The following COL5A2 variants were observed in gnomAD, a reference collection of about 807,000 sequenced individuals.
The protein encoded by COL5A2 is collagen alpha-2(V) chain.
Under a neutral mutation model 208.2 loss-of-function variants are expected in COL5A2, and 23 were observed. The ratio of observed to expected loss-of-function variants is 0.11; its 90% CI spans 0.08 to 0.16. The LOEUF (loss-of-function observed/expected upper bound fraction) is 0.16. Ranked by LOEUF, COL5A2 falls within the 10% of genes least tolerant of loss-of-function variation. The pLI is 1.00. For synonymous variants in COL5A2, 625 were observed against 628.5 expected, an observed-to-expected ratio of 0.99 and a Z score of 0.08; for missense variants, 1,590 against 1,956.4, an observed-to-expected ratio of 0.81 and a Z score of 3.53.
the COL5A2 span, among the ~76,000 whole-genome samples, chr2:189,287,194 T>C: frequency 3.3e-5 from 5 of 151,970 alleles, no homozygotes; most frequent in Admixed American, 6.6e-5. Context: ...TAGTACCAAA[T>C]TGAGAGTTAT....
At chr2:189,189,244 T>C (rs1688893933) in intron 1 of COL5A2, among the ~76,000 whole-genome samples, 4 of 152,136 alleles carry the variant, frequency 2.6e-5, no homozygotes, top group Admixed American at 2.6e-4. Flanking sequence ...CCTCTCTTCT[T>C]CTCCTGATAG....
intron 9 of COL5A2, among the ~76,000 whole-genome samples, chr2:189,086,140 CAT>C (rs1686655452): frequency 6.6e-6 from 1 of 152,152 alleles, no homozygotes; most frequent in Non-Finnish European, 1.5e-5. Context: ...ACTCCACACA[CAT>C]GACAATGACA....
At chr2:189,097,371 C>T (rs1240565172) in intron 5 of COL5A2, 41 bp from the exon 6 acceptor site, 3 of 1,599,744 alleles carry the variant, frequency 1.9e-6, no homozygotes, top group Non-Finnish European at 2.6e-6. Flanking sequence ...AAAATGTATA[C>T]TTTCTTATTG....
intron 5 of COL5A2, among the ~76,000 whole-genome samples, chr2:189,098,138 A>G (rs1001312995): frequency 3.3e-5 from 5 of 152,180 alleles, no homozygotes; most frequent in African/African-American, 1.2e-4. Flanking sequence ...TCAACCCAAC[A>G]TATAGCATCG....
intron 1 of COL5A2, among the ~76,000 whole-genome samples, chr2:189,205,383 A>T (rs1187577677): frequency 6.6e-6 from 1 of 152,230 alleles, no homozygotes; most frequent in African/African-American, 2.4e-5. Flanking sequence ...TGAGTAGCAG[A>T]AAAGGAATAT....
At chr2:189,318,052 G>A in the COL5A2 span, among the ~76,000 whole-genome samples, 1 of 152,030 alleles carries the variant, frequency 6.6e-6, no homozygotes. Context: ...CAGAGCTCTG[G>A]AATTCTCTAG....
Position 189,042,601 on chromosome 2 carries a change from C to T in COL5A2, c.3525+119G>A. ...CTTGTCTCATATGTGTGTTGCCAAC[C>T]TCAGAGAAGATGAGCCAACTCCAGC... On this transcript the variant is annotated intron_variant, in intron 49 of 53. Transcript: ENST00000374866. The T allele has an allele frequency of 3.3e-6, 3 of 918,716 alleles. No homozygotes were observed. In the Admixed American group the frequency reaches 5.9e-5, roughly 18 times the overall value. 56.9% of individuals were successfully genotyped at this position (918,716 alleles called of 1,614,324 possible). A position where few individuals can be genotyped will look rare whatever the true frequency, so the allele number is the denominator to read the frequency against.
At chr2:189,301,156 C>T in the COL5A2 span, among the ~76,000 whole-genome samples, 17 of 152,078 alleles carry the variant, frequency 1.1e-4, no homozygotes, top group Non-Finnish European at 1.2e-4. Context: ...CACTTCACTC[C>T]AGCCTGGGTG....
At chr2:189,119,541 T>C (rs1201397485) in intron 1 of COL5A2, among the ~76,000 whole-genome samples, 1 of 152,132 alleles carries the variant, frequency 6.6e-6, no homozygotes, top group South Asian at 2.1e-4. Context: ...TATTACTTAA[T>C]GTTATTCATT....
chr2:189,133,114 CTTTT>C lies in COL5A2; in HGVS notation c.98-22669_98-22666del, dbSNP rs751457732. 35 of 63,450 alleles carry C rather than the reference CTTTT, an allele frequency of 5.5e-4. 1 individual carries two copies. The highest frequency in any genetic ancestry group is 1.8e-3 in the South Asian group (2 of 1,118). The allele number at this position is 63,450 out of a possible 1,614,324, so 3.9% of individuals were successfully genotyped here. On this transcript the variant is annotated intron_variant, in intron 1 of 53. Transcript: ENST00000374866. ...TCTCTACACTACTGCCCAAGTACGA[CTTTT>C]TTTTTTTTTTTTTTTTTTTTTGAGA...
chr2:189,085,837 G>T (rs1686646632), intron 9 of COL5A2, 65 bp from the exon 10 acceptor site: 1 of 1,290,828 alleles, frequency 7.7e-7, no homozygotes, highest in Non-Finnish European at 1.1e-6. Context: ...CCTGTACTCT[G>T]TCAATATACA....
Position 189,072,045 on chromosome 2 carries a change from T to C in COL5A2, c.1153A>G (p.Met385Val), listed in dbSNP as rs1559090198. 3 of 1,602,472 alleles carry C rather than the reference T, an allele frequency of 1.9e-6. No homozygotes were observed. The highest frequency in any genetic ancestry group is 2.6e-6 in the Non-Finnish European group (3 of 1,171,290). Reference protein sequence around the residue: ...GSSGFPGNPGMKGEAGPTGAR... With the variant: ...GSSGFPGNPGVKGEAGPTGAR... The stretch of plus-strand genomic sequence containing the variant: ...TATTAACATTAACATCTTACCTTCA[T>C]TCCAGGATTTCCTGGAAAACCAGAA... Residue 385 changes from methionine to valine, a missense_variant, in exon 18 of 54, where the codon ATG (methionine) becomes GTG (valine). Physicochemically the swap from Met to Val is conservative, Grantham distance 21 (BLOSUM62 1). Coordinates refer to ENST00000374866, the MANE Select transcript of COL5A2 (RefSeq NM_000393.5).
At chr2:189,299,424 C>T in the COL5A2 span, among the ~76,000 whole-genome samples, 5 of 152,148 alleles carry the variant, frequency 3.3e-5, no homozygotes, top group Non-Finnish European at 5.9e-5. Context: ...GAGCCCACCT[C>T]GATACGTGGC....
the COL5A2 span, among the ~76,000 whole-genome samples, chr2:189,382,644 AG>A: frequency 6.6e-6 from 1 of 152,220 alleles, no homozygotes; most frequent in African/African-American, 2.4e-5. Context: ...GTGAGCAACA[AG>A]GCTATTTATT....
chr2:189,087,116 G>T (rs1686679965), intron 8 of COL5A2, among the ~76,000 whole-genome samples: 1 of 152,176 alleles, frequency 6.6e-6, no homozygotes, highest in African/African-American at 2.4e-5. Context: ...ACATAAGTTA[G>T]TTCTCAAACT....
At chr2:189,121,542 A>G (rs1020096170) in intron 1 of COL5A2, among the ~76,000 whole-genome samples, 1 of 152,092 alleles carries the variant, frequency 6.6e-6, no homozygotes, top group African/African-American at 2.4e-5. Context: ...CCAGCAGTCC[A>G]GAAGCCAAGA....
the COL5A2 span, among the ~76,000 whole-genome samples, chr2:189,310,268 G>C: frequency 5.3e-5 from 8 of 152,274 alleles, no homozygotes; most frequent in South Asian, 1.5e-3. Flanking sequence ...GATTTGAATA[G>C]ATGTTTCTCA....
chr2:189,086,760 C>A lies in COL5A2; in HGVS notation c.656G>T (p.Gly219Val). The A allele has an allele frequency of 6.3e-7, 1 of 1,581,858 alleles. No individual in the cohort carries two copies. The highest frequency in any genetic ancestry group is 8.6e-7 in the Non-Finnish European group (1 of 1,160,458). The part of the protein sequence containing the change: ...GLMPGSVGPV[G>V]PRGPQGLQGQ... ...TTGTAAACCCTGTGGTCCCCTTGGG[C>A]CAACAGGACCCTTAAAAACAAATGA... The change falls in exon 9 of 54, where the codon GGC becomes GTC. Residue 219 changes from glycine to valine, a missense_variant. Transcript: ENST00000374866.
intron 45 of COL5A2, 58 bp downstream of exon 45, chr2:189,048,151 T>G (rs1249978250): frequency 2.6e-6 from 4 of 1,515,730 alleles, no homozygotes; most frequent in Non-Finnish European, 3.7e-6. Context: ...TAGTGTAAAT[T>G]AAAAAGATTT....
Sources: allele counts gnomAD v4.1 joint callset (sites outside exome capture counted in the v4.1 genomes callset), GRCh38; gene constraint gnomAD v4.1.1; transcripts MANE v1.5; gene names NCBI Gene and HGNC (gene_info 2026-07-23, HGNC 2026-07-21).